BPIFB3: variants seen among roughly 807,000 people sequenced by gnomAD.
The protein encoded by BPIFB3 is BPI fold containing family B member 3.
A neutral mutation model predicts 53.1 loss-of-function variants in BPIFB3; 49 were observed. That is an observed-to-expected ratio of 0.92 (90% CI 0.73 to 1.17). The LOEUF is 1.17. Ranked by LOEUF, BPIFB3 falls within the 50% of genes most tolerant of loss-of-function variation. The pLI is 0.00. For missense variants in BPIFB3, 628 were observed against 592.5 expected (o/e 1.06, Z -0.62); for synonymous variants, 271 against 269.6 (o/e 1.01, Z -0.05).
rs769976636 is a variant in BPIFB3 at position 33,064,760 on chromosome 20, T to C, written c.839T>C (p.Val280Ala). 7 of 1,614,018 alleles carry C rather than the reference T, an allele frequency of 4.3e-6. No homozygotes were observed. The Admixed American group carries it at 8.3e-5, about 19-fold the overall frequency. The change falls in exon 8 of 15, where the codon GTG (valine) becomes GCG (alanine). Residue 280 changes from valine to alanine, a missense_variant. Transcript: ENST00000375494. ...CCCAAGAAGGACCACACATCCCAGG[T>C]GATGGTGCCACTGTACCTCTTCAAC... is the stretch of plus-strand genomic sequence containing the variant.
At chr20:33,056,858 G>C (rs959112284) in intron 2 of BPIFB3, among the ~76,000 whole-genome samples, 160 bp downstream of exon 3, 2 of 152,208 alleles carry the variant, frequency 1.3e-5, no homozygotes, top group Non-Finnish European at 2.9e-5. Flanking sequence ...ATGCCTGGCA[G>C]GACAAGAACA....
intron 3 of BPIFB3, among the ~76,000 whole-genome samples, 158 bp downstream of exon 4, chr20:33,059,640 C>A (rs1048474860): frequency 4.6e-5 from 7 of 151,884 alleles, no homozygotes; most frequent in African/African-American, 7.3e-5. Context: ...CCTACTGTTT[C>A]CCCCCTGGAT....
intron 2 of BPIFB3, among the ~76,000 whole-genome samples, chr20:33,058,966 G>A (rs546134949): frequency 3.3e-5 from 5 of 152,278 alleles, no homozygotes; most frequent in African/African-American, 1.2e-4. Context: ...TCGTGTTTGA[G>A]AACCCACTCG....
chr20:33,055,629 G>C, intron 1 of BPIFB3, 82 bp downstream of exon 2: 6 of 1,568,636 alleles, frequency 3.8e-6, no homozygotes, highest in Non-Finnish European at 5.2e-6. Context: ...TCTGCTTTAA[G>C]AGCAGATAAG....
At chr20:33,066,838 C>G (rs1365145513) in exon 9 of BPIFB3, 2 of 1,614,182 alleles carry the variant, frequency 1.2e-6, no homozygotes, top group Non-Finnish European at 1.7e-6. Context: ...CCAGCGATGT[C>G]CCACTGACAA....
intron 5 of BPIFB3, among the ~76,000 whole-genome samples, chr20:33,063,025 C>A (rs1052805417): frequency 6.6e-6 from 1 of 152,234 alleles, no homozygotes; most frequent in Non-Finnish European, 1.5e-5. Context: ...CTGAGGCTCC[C>A]ACTCCAGTGG....
chr20:33,066,353 A>G (rs1039626966), intron 8 of BPIFB3, among the ~76,000 whole-genome samples: 1 of 152,264 alleles, frequency 6.6e-6, no homozygotes, highest in African/African-American at 2.4e-5. Flanking sequence ...TTCCTGATTT[A>G]TAAATACTAG....
Position 33,064,672 on chromosome 20 carries a change from G to A in BPIFB3, c.751G>A (p.Val251Met), listed in dbSNP as rs142043656. 5.5e-3 allele frequency: 8,874 copies of A among 1,613,818 alleles called. 56 individuals are homozygous for A. The highest frequency in any genetic ancestry group is 5.9e-3 in the Non-Finnish European group (7,013 of 1,179,888). The change falls in exon 8 of 15, where the codon GTG becomes ATG. Residue 251 changes from valine to methionine, a missense_variant. Val to Met is a conservative substitution (Grantham distance 21). Transcript: ENST00000375494. ...CTGTTTCCTGCCCCTGCAGCCTATC[G>A]TGAAGAGTGTAGCTGGTGATATCAT... is the stretch of plus-strand genomic sequence containing the variant.
At position 33,072,893 on chromosome 20, in the gene BPIFB3, G is replaced by A. The variant is rs1050819138; in HGVS notation, c.1401+100G>A. On this transcript the variant is annotated intron_variant, in intron 14 of 14. Coordinates refer to ENST00000375494, the Ensembl canonical transcript of BPIFB3. ...GGGGAATGCTTTGCTTCATCCTCTT[G>A]TCTGTCCCTGATCCATTTTCTAAAT... The A allele has an allele frequency of 8.3e-5, 86 of 1,032,090 alleles. No homozygotes were observed. The Admixed American group carries it at 1.6e-3, about 19-fold the overall frequency. The allele number at this position is 1,032,090 out of a possible 1,614,324, so 63.9% of individuals were successfully genotyped here. A position where few individuals can be genotyped will look rare whatever the true frequency, so the allele number is the denominator to read the frequency against.
chr20:33,059,573 A>T, intron 3 of BPIFB3, 91 bp downstream of exon 4: 2 of 795,720 alleles, frequency 2.5e-6, no homozygotes, highest in Non-Finnish European at 2.0e-6. Flanking sequence ...CCCCACTCCC[A>T]CCCCTCTGTA....
chr20:33,069,838 A>G (rs1451687505), intron 10 of BPIFB3, 50 bp from the exon 12 acceptor site: 1 of 1,598,848 alleles, frequency 6.3e-7, no homozygotes, highest in Non-Finnish European at 8.6e-7. Flanking sequence ...ACCCGTCCTC[A>G]AGCTCCTTCT....
At position 33,072,184 on chromosome 20, in the gene BPIFB3, T is replaced by A. The variant is rs1405209138; in HGVS notation, c.1324+17T>A. 1 of 1,613,598 alleles carries A rather than the reference T, an allele frequency of 6.2e-7. No individual in the cohort carries two copies. The highest frequency in any genetic ancestry group is 8.5e-7 in the Non-Finnish European group (1 of 1,179,602). ...AGCTTAACGGTATGGCAGGTTTTGC[T>A]CTCTTGGACACATGGAGTGTCTGAA... On this transcript the variant is annotated intron_variant, in intron 13 of 14. Coordinates refer to ENST00000375494, the Ensembl canonical transcript of BPIFB3.
chr20:33,070,152 C>A (rs1980826883), intron 11 of BPIFB3, among the ~76,000 whole-genome samples, 197 bp downstream of exon 12: 2 of 152,308 alleles, frequency 1.3e-5, no homozygotes, highest in South Asian at 4.2e-4. Context: ...GGGCTCAGAG[C>A]AGCAGGCTCA....
chr20:33,054,689 C>T (rs563183470), upstream of BPIFB3, among the ~76,000 whole-genome samples: 2 of 152,078 alleles, frequency 1.3e-5, no homozygotes, highest in African/African-American at 4.8e-5. Flanking sequence ...CAACCCAGGG[C>T]AGCGGGGAGC....
At chr20:33,066,799 A>G in intron 8 of BPIFB3, 25 bp from the exon 10 acceptor site, 4 of 1,612,470 alleles carry the variant, frequency 2.5e-6, no homozygotes, top group Non-Finnish European at 3.4e-6. Context: ...GTGCTCACCA[A>G]CCCTCTCTCC....
intron 11 of BPIFB3, among the ~76,000 whole-genome samples, chr20:33,070,946 G>T (rs1980858473): frequency 6.6e-6 from 1 of 152,156 alleles, no homozygotes; most frequent in South Asian, 2.1e-4. Context: ...TGTGTCCAGT[G>T]CTCAGTCTGG....
At position 33,060,242 on chromosome 20, in the gene BPIFB3, C is replaced by T. The variant is rs113674066; in HGVS notation, c.527+211C>T. Among the ~76,000 whole-genome samples, 148 of 152,334 alleles carry T rather than the reference C, an allele frequency of 9.7e-4. No homozygotes were observed. The Middle Eastern group carries it at 0.017, about 18-fold the overall frequency. ...CTCCGGCTTAATCCATAGCTTGTGC[C>T]ACCCACTCCTGGGCAATTCCTCTAG... is the stretch of plus-strand genomic sequence containing the variant. On this transcript the variant is annotated intron_variant, in intron 4 of 14. Transcript: ENST00000375494.
chr20:33,068,928 C>A, exon 10 of BPIFB3: 1 of 1,614,054 alleles, frequency 6.2e-7, no homozygotes, highest in Non-Finnish European at 8.5e-7. Context: ...ATGTGCTGTT[C>A]TATGTCCCTA....
At chr20:33,056,334 A>G (rs549276696) in intron 1 of BPIFB3, among the ~76,000 whole-genome samples, 2 of 152,112 alleles carry the variant, frequency 1.3e-5, no homozygotes, top group East Asian at 3.9e-4. Flanking sequence ...TACCTCCCAC[A>G]TGCCAGGCAG....
Sources: allele counts gnomAD v4.1 joint callset (sites outside exome capture counted in the v4.1 genomes callset), GRCh38; gene constraint gnomAD v4.1.1; transcripts MANE v1.5; gene names NCBI Gene and HGNC (gene_info 2026-07-23, HGNC 2026-07-21).